The following COL21A1 variants were observed in gnomAD, a reference collection of about 807,000 sequenced individuals.
COL21A1 encodes collagen type XXI alpha 1 chain.
Under a neutral mutation model 137.9 loss-of-function variants are expected in COL21A1, and 149 were observed. That is an observed-to-expected ratio of 1.08 (90% CI 0.95 to 1.24). The LOEUF is 1.24. Ranked by LOEUF, COL21A1 falls within the 50% of genes most tolerant of loss-of-function variation. The probability of loss-of-function intolerance (pLI) is 0.00; values close to 1 mark genes in which losing one functional copy is unlikely to be tolerated. For synonymous variants in COL21A1, 456 were observed against 391.5 expected (o/e 1.16, Z -1.95); for missense variants, 1,167 against 1,158.4 (o/e 1.01, Z -0.11).
At chr6:56,132,431 A>C (rs1303984807) in intron 12 of COL21A1, among the ~76,000 whole-genome samples, 1 of 152,152 alleles carries the variant, frequency 6.6e-6, no homozygotes, top group Non-Finnish European at 1.5e-5. Flanking sequence ...ATAATGAGGA[A>C]GGATTAGCCC....
intron 1 of COL21A1, among the ~76,000 whole-genome samples, chr6:56,184,783 C>T (rs188075595): frequency 2.0e-5 from 3 of 152,172 alleles, no homozygotes; most frequent in African/African-American, 7.2e-5. Flanking sequence ...TGAAGTTTTG[C>T]GGAAATGCTT....
chr6:56,100,740 T>C (rs1460251251), intron 17 of COL21A1, among the ~76,000 whole-genome samples: 1 of 152,172 alleles, frequency 6.6e-6, no homozygotes, highest in African/African-American at 2.4e-5. Flanking sequence ...TTCAGAGTAG[T>C]TTAATCCCTC....
chr6:56,111,709 CAA>C (rs35714909), intron 16 of COL21A1, among the ~76,000 whole-genome samples: 12,612 of 141,648 alleles, frequency 0.089, 577 homozygotes, highest in Middle Eastern at 0.13. Context: ...ACTAAAAATA[CAA>C]AAAAAAAAAA....
At chr6:56,202,023 T>C (rs551139792) in intron 1 of COL21A1, among the ~76,000 whole-genome samples, 10 of 152,118 alleles carry the variant, frequency 6.6e-5, no homozygotes, top group Non-Finnish European at 1.2e-4. Flanking sequence ...CCATTTCCAA[T>C]TGAAAAAGTT....
At chr6:56,355,683 T>C (rs775824831) in intron 1 of COL21A1, among the ~76,000 whole-genome samples, 2 of 152,200 alleles carry the variant, frequency 1.3e-5, no homozygotes, top group Admixed American at 1.3e-4. Context: ...CAAGTTTTTG[T>C]AGATAAAATT....
intron 16 of COL21A1, among the ~76,000 whole-genome samples, chr6:56,114,548 T>G (rs1042671888): frequency 6.6e-6 from 1 of 152,204 alleles, no homozygotes; most frequent in African/African-American, 2.4e-5. Context: ...AAGACATTTA[T>G]GCAACCAAAA....
chr6:56,090,882 G>A (rs924487532), intron 17 of COL21A1, among the ~76,000 whole-genome samples: 19 of 152,050 alleles, frequency 1.2e-4, no homozygotes, highest in Admixed American at 4.6e-4. Flanking sequence ...TGGTTTACTC[G>A]GCACATACTT....
At chr6:56,204,924 A>G (rs923867648) in intron 1 of COL21A1, among the ~76,000 whole-genome samples, 15 of 152,198 alleles carry the variant, frequency 9.9e-5, no homozygotes, top group African/African-American at 3.1e-4. Context: ...TAACAAATGG[A>G]AAGGAATAGT....
intron 1 of COL21A1, among the ~76,000 whole-genome samples, chr6:56,385,723 C>A (rs2094016821): frequency 6.6e-6 from 1 of 151,998 alleles, no homozygotes; most frequent in Non-Finnish European, 1.5e-5. Flanking sequence ...CACTCCCCCT[C>A]CCTTCCTCCC....
chr6:56,224,454 G>A (rs562308941), intron 1 of COL21A1, among the ~76,000 whole-genome samples: 1 of 152,166 alleles, frequency 6.6e-6, no homozygotes, highest in African/African-American at 2.4e-5. Flanking sequence ...GTGTGTCATA[G>A]TCTGTACTTT....
At chr6:56,273,993 C>T (rs543934451) in intron 1 of COL21A1, among the ~76,000 whole-genome samples, 1 of 152,284 alleles carries the variant, frequency 6.6e-6, no homozygotes, top group Admixed American at 6.5e-5. Flanking sequence ...AAAATGCTAT[C>T]AAACCCAACC....
rs375961769 is a variant in COL21A1, at chr6:56,099,388, C to T, written c.1812+2084G>A. On this transcript the variant is annotated intron_variant, in intron 17 of 29. Coordinates refer to ENST00000244728, the MANE Select transcript of COL21A1 (RefSeq NM_030820.4). ...AGTAGCTGGGACTACAGGCGCCCGC[C>T]ACCACGCCTGGCTAATTTTTTGTAT... Among the ~76,000 whole-genome samples the T allele has an allele frequency of 3.6e-3, 553 of 151,760 alleles. 7 individuals are homozygous for T. The highest frequency in any genetic ancestry group is 0.013 in the African/African-American group (526 of 41,368).
chr6:56,393,306 T>C (rs1045640136), intron 1 of COL21A1, among the ~76,000 whole-genome samples: 6 of 152,210 alleles, frequency 3.9e-5, no homozygotes, highest in Non-Finnish European at 8.8e-5. Flanking sequence ...TGCAGAAGAA[T>C]GAAACTTGAC....
At chr6:56,350,900 A>T (rs531761464) in intron 1 of COL21A1, among the ~76,000 whole-genome samples, 8 of 152,258 alleles carry the variant, frequency 5.3e-5, no homozygotes, top group Non-Finnish European at 1.0e-4. Flanking sequence ...CATGACAAAT[A>T]AAGACACTTG....
chr6:56,103,045 T>C (rs533998304), intron 16 of COL21A1, among the ~76,000 whole-genome samples: 14 of 152,242 alleles, frequency 9.2e-5, no homozygotes, highest in African/African-American at 3.4e-4. Context: ...TATGAAGAAA[T>C]AATGCAATAT....
chr6:56,101,634 A>C (rs1234063664), intron 16 of COL21A1, 109 bp from the exon 17 acceptor site: 16 of 774,446 alleles, frequency 2.1e-5, no homozygotes, highest in Non-Finnish European at 3.4e-5. Context: ...CAAACAGAAA[A>C]ATTAAAATTA....
chr6:56,165,837 G>A (rs905807768), intron 7 of COL21A1, among the ~76,000 whole-genome samples: 1 of 151,668 alleles, frequency 6.6e-6, no homozygotes, highest in East Asian at 1.9e-4. Context: ...TCAAAAAGTT[G>A]TGCAACATTC....
At position 56,061,732 on chromosome 6, in the gene COL21A1, T is replaced by C; in HGVS notation, c.2173-51A>G. 2.6e-6 allele frequency: 3 copies of C among 1,171,320 alleles called. No homozygotes were observed. In the South Asian group the frequency reaches 4.3e-5, roughly 17 times the overall value. The allele number at this position is 1,171,320 out of a possible 1,614,324, so 72.6% of individuals were successfully genotyped here. A position where few individuals can be genotyped will look rare whatever the true frequency, so the allele number is the denominator to read the frequency against. The stretch of plus-strand genomic sequence containing the variant: ...AATAAATGTGCAAGCTACAGTACTG[T>C]AATGTGGCATCCACCTTTTACCACA... On this transcript the variant is annotated intron_variant, in intron 24 of 29. Coordinates refer to ENST00000244728, the MANE Select transcript of COL21A1 (RefSeq NM_030820.4).
chr6:56,283,320 G>A (rs190271761), intron 1 of COL21A1, among the ~76,000 whole-genome samples: 3 of 151,896 alleles, frequency 2.0e-5, no homozygotes, highest in Non-Finnish European at 4.4e-5. Flanking sequence ...TCATTAAAAT[G>A]GTTTTTTGAC....
Sources: allele counts gnomAD v4.1 joint callset (sites outside exome capture counted in the v4.1 genomes callset), GRCh38; gene constraint gnomAD v4.1.1; transcripts MANE v1.5; gene names NCBI Gene and HGNC (gene_info 2026-07-23, HGNC 2026-07-21).